The following ZBTB8A variants were observed in gnomAD, a reference collection of about 807,000 sequenced individuals.
The protein encoded by ZBTB8A is zinc finger and BTB domain containing 8A.
A neutral mutation model predicts 37.8 loss-of-function variants in ZBTB8A; 19 were observed. The ratio of observed to expected loss-of-function variants is 0.50; its 90% CI spans 0.35 to 0.74. ZBTB8A has a LOEUF of 0.74. Among genes scored for constraint, ZBTB8A ranks in the 30% least tolerant of loss-of-function variants. The probability of loss-of-function intolerance (pLI) is 0.01; values close to 1 mark genes in which losing one functional copy is unlikely to be tolerated. For missense variants in ZBTB8A, 394 were observed against 537.8 expected, an observed-to-expected ratio of 0.73 and a Z score of 2.65; for synonymous variants, 181 against 185.2, an observed-to-expected ratio of 0.98 and a Z score of 0.19.
At chr1:32,553,403 C>A (rs1353462660) in intron 1 of ZBTB8A, 56 bp from the exon 2 acceptor site, 1 of 152,140 alleles carries the variant, frequency 6.6e-6, no homozygotes, top group Non-Finnish European at 1.5e-5. Context: ...CTTAGCAGAT[C>A]TTTCTGCCTC....
At chr1:32,579,747 A>G (rs1236350100) in intron 2 of ZBTB8A, among the ~76,000 whole-genome samples, 1 of 151,946 alleles carries the variant, frequency 6.6e-6, no homozygotes, top group Non-Finnish European at 1.5e-5. Flanking sequence ...ACAGTCGCAT[A>G]CTCACTGATT....
rs1337169134 is a variant in ZBTB8A at position 32,600,945 on chromosome 1, T to C, written c.*526T>C. The C allele has an allele frequency of 6.5e-6, 1 of 153,530 alleles. No individual in the cohort carries two copies. The highest frequency in any genetic ancestry group is 1.4e-5 in the Non-Finnish European group (1 of 69,102). The allele number at this position is 153,530 out of a possible 1,614,324, so 9.5% of individuals were successfully genotyped here. Reference sequence around the variant, plus strand: ...TTTGAGATCTGAAACAACCTGTCATTACTCTGATATCCTGAACGTTTAAGG... The same window carrying C: ...TTTGAGATCTGAAACAACCTGTCATCACTCTGATATCCTGAACGTTTAAGG... On this transcript the variant is annotated 3_prime_UTR_variant, in exon 5 of 5. Coordinates refer to ENST00000373510, the MANE Select transcript of ZBTB8A (RefSeq NM_001040441.3).
chr1:32,577,611 AG>A (rs1484388384), intron 2 of ZBTB8A, among the ~76,000 whole-genome samples: 1 of 62,406 alleles, frequency 1.6e-5, no homozygotes, highest in Non-Finnish European at 2.8e-5. Flanking sequence ...TTTTTTTTTG[AG>A]ACAGAGTCTT....
At chr1:32,550,170 C>A (rs192047040) in intron 1 of ZBTB8A, among the ~76,000 whole-genome samples, 5 of 151,910 alleles carry the variant, frequency 3.3e-5, no homozygotes, top group African/African-American at 1.2e-4. Flanking sequence ...CCAGCCTGGG[C>A]AATATATCGA....
At chr1:32,572,650 G>T (rs1187480136) in intron 2 of ZBTB8A, among the ~76,000 whole-genome samples, 1 of 152,058 alleles carries the variant, frequency 6.6e-6, no homozygotes, top group African/African-American at 2.4e-5. Flanking sequence ...ACCCACCTTG[G>T]CCTCCCAAAG....
chr1:32,593,761 A>C lies in ZBTB8A; in HGVS notation c.823+7A>C. On this transcript the variant is annotated splice_region_variant and intron_variant, in intron 3 of 4. Coordinates refer to ENST00000373510, the MANE Select transcript of ZBTB8A (RefSeq NM_001040441.3). ...ACATCCAAAAGCTTTCCAGGTACCC[A>C]AAAAGAGCATAAGTCCCCTCATCCA... The C allele has an allele frequency of 6.3e-7, 1 of 1,599,552 alleles. No individual in the cohort carries two copies. Among genetic ancestry groups the C allele is most frequent in the South Asian group, 1.1e-5 (1 of 88,778 alleles).
chr1:32,566,350 C>T (rs980451826), intron 2 of ZBTB8A, among the ~76,000 whole-genome samples: 9 of 151,846 alleles, frequency 5.9e-5, no homozygotes, highest in Non-Finnish European at 1.3e-4. Flanking sequence ...CCTATATCTA[C>T]AATAAAAAGA....
At chr1:32,566,868 A>C (rs774627445) in intron 2 of ZBTB8A, among the ~76,000 whole-genome samples, 1 of 152,224 alleles carries the variant, frequency 6.6e-6, no homozygotes, top group Non-Finnish European at 1.5e-5. Flanking sequence ...CAAAAGCAGT[A>C]AGATGAGAGC....
chr1:32,598,223 ATTTTT>A (rs762801492), intron 4 of ZBTB8A, among the ~76,000 whole-genome samples: 1 of 86,020 alleles, frequency 1.2e-5, no homozygotes, highest in African/African-American at 4.9e-5. Context: ...GCTTTCTTGG[ATTTTT>A]TTTTTTTTTT....
rs758486075 is a variant in ZBTB8A, at chr1:32,593,178, G to A, written c.247G>A (p.Val83Ile). The change falls in exon 3 of 5, where the codon GTA becomes ATA. Residue 83 changes from valine (V) to isoleucine (I), a missense_variant. Physicochemically the swap from Val to Ile is conservative, Grantham distance 29. Transcript: ENST00000373510. ...CACTTTTACAGTTATCTTGGACTTC[G>A]TATATTCTGGCAAACTGTCTCTTAC... The part of the protein sequence containing the change: ...PDTFTVILDF[V>I]YSGKLSLTGQ... 7.1e-5 allele frequency: 115 copies of A among 1,614,038 alleles called. No homozygotes were observed. The highest frequency in any genetic ancestry group is 1.0e-4 in the Admixed American group (6 of 59,988).
At chr1:32,595,286 G>A in intron 4 of ZBTB8A, 63 bp downstream of exon 4, 14 of 1,542,236 alleles carry the variant, frequency 9.1e-6, no homozygotes, top group Middle Eastern at 1.9e-4. Flanking sequence ...TTGTTTTTTT[G>A]AGATGGAGTT....
Position 32,599,666 on chromosome 1 carries a change from G to C in ZBTB8A, c.994-421G>C, listed in dbSNP as rs368435027. Among the ~76,000 whole-genome samples, 11 of 152,052 alleles carry C rather than the reference G, an allele frequency of 7.2e-5. No homozygotes were observed. In the South Asian group the frequency reaches 2.3e-3, roughly 32 times the overall value. On this transcript the variant is annotated intron_variant, in intron 4 of 4. Coordinates refer to ENST00000373510, the MANE Select transcript of ZBTB8A (RefSeq NM_001040441.3). Reference sequence around the variant, plus strand: ...CCGGAGGCGGAGGTTGCAGTGAGCCGAGATTGCACTATTGCACTCCAGCCT... The same window carrying C: ...CCGGAGGCGGAGGTTGCAGTGAGCCCAGATTGCACTATTGCACTCCAGCCT...
At position 32,548,424 on chromosome 1, in the gene ZBTB8A, T is replaced by C. The variant is rs893313275; in HGVS notation, c.-83-5035T>C. On this transcript the variant is annotated intron_variant, in intron 1 of 4. Transcript: ENST00000373510. Reference sequence around the variant, plus strand: ...ATCTCGGCTCACTGCAACCACCGTCTCCAGGGTTCAAGCGATTCTCCCGTC... The same window carrying C: ...ATCTCGGCTCACTGCAACCACCGTCCCCAGGGTTCAAGCGATTCTCCCGTC... Among the ~76,000 whole-genome samples, 4 of 152,010 alleles carry C rather than the reference T, an allele frequency of 2.6e-5. No individual in the cohort carries two copies. In the South Asian group the frequency reaches 8.3e-4, roughly 32 times the overall value.
At chr1:32,559,210 C>G (rs1361144637) in intron 2 of ZBTB8A, among the ~76,000 whole-genome samples, 1 of 150,874 alleles carries the variant, frequency 6.6e-6, no homozygotes, top group East Asian at 2.0e-4. Flanking sequence ...TTCCCGGGTT[C>G]AAGCCTTTTT....
chr1:32,581,405 G>A (rs747141952), intron 2 of ZBTB8A, among the ~76,000 whole-genome samples: 25 of 146,116 alleles, frequency 1.7e-4, no homozygotes, highest in Non-Finnish European at 2.2e-4. Flanking sequence ...AGGCTGGAGT[G>A]CAATGGCAAG....
Position 32,555,893 on chromosome 1 carries a change from TA to T in ZBTB8A, c.-2+2362del, listed in dbSNP as rs943061777. On this transcript the variant is annotated intron_variant, in intron 2 of 4. Coordinates refer to ENST00000373510, the MANE Select transcript of ZBTB8A (RefSeq NM_001040441.3). ...ACTTCCCAATTTCTTGTTTCAAATTTAAAAAAAAATTTAATTTTAATTTAAT... is the reference window on the plus strand; with the variant it reads ...ACTTCCCAATTTCTTGTTTCAAATTTAAAAAAAATTTAATTTTAATTTAAT... 4.8e-4 allele frequency among the ~76,000 whole-genome samples: 73 copies of T among 151,312 alleles called. 1 individual carries two copies. The highest frequency in any genetic ancestry group is 1.3e-3 in the South Asian group (6 of 4,784).
chr1:32,562,454 AGAGATGGGG>A (rs1190888487), intron 2 of ZBTB8A, among the ~76,000 whole-genome samples: 2 of 150,700 alleles, frequency 1.3e-5, no homozygotes, highest in Non-Finnish European at 3.0e-5. Flanking sequence ...TATTTTTAGT[AGAGATGGGG>A]TTTCTCCATG....
intron 2 of ZBTB8A, among the ~76,000 whole-genome samples, chr1:32,573,158 C>A (rs1157979630): frequency 4.9e-4 from 74 of 150,670 alleles, no homozygotes; most frequent in African/African-American, 1.8e-3. Flanking sequence ...GCAACCTCCC[C>A]CTCCCAGGTT....
At chr1:32,549,365 G>C (rs903354936) in intron 1 of ZBTB8A, among the ~76,000 whole-genome samples, 1 of 151,856 alleles carries the variant, frequency 6.6e-6, no homozygotes, top group Non-Finnish European at 1.5e-5. Flanking sequence ...ATGGTGGGAT[G>C]TTCCTGTAAT....
Sources: allele counts gnomAD v4.1 joint callset (sites outside exome capture counted in the v4.1 genomes callset), GRCh38; gene constraint gnomAD v4.1.1; transcripts MANE v1.5; gene names NCBI Gene and HGNC (gene_info 2026-07-23, HGNC 2026-07-21).